The following RCAN2 variants were observed in gnomAD, a reference collection of about 807,000 sequenced individuals.
RCAN2 encodes the protein calcipressin-2.
In RCAN2, 9 loss-of-function variants were observed where a neutral mutation model predicts 23.6. The observed-to-expected ratio is 0.38, with a 90% CI of 0.23 to 0.67. The LOEUF (loss-of-function observed/expected upper bound fraction) is 0.67, where lower values mean the gene tolerates loss of function less well. Ranked by LOEUF, RCAN2 falls within the 30% of genes least tolerant of loss-of-function variation. RCAN2 has a pLI of 0.51. For missense variants in RCAN2, 273 were observed against 302.3 expected (o/e 0.90, Z 0.72); for synonymous variants, 109 against 115.7 (o/e 0.94, Z 0.37).
intron 2 of RCAN2, among the ~76,000 whole-genome samples, chr6:46,372,585 G>A (rs1765351510): frequency 6.6e-6 from 1 of 152,124 alleles, no homozygotes; most frequent in African/African-American, 2.4e-5. Context: ...CTTTTCCTAG[G>A]CAATATCTCT....
intron 2 of RCAN2, among the ~76,000 whole-genome samples, chr6:46,301,161 T>C (rs1762893692): frequency 6.6e-6 from 1 of 152,046 alleles, no homozygotes; most frequent in Non-Finnish European, 1.5e-5. Context: ...TTTATCAACA[T>C]GTAGTTAACA....
At chr6:46,353,523 G>A (rs2150379394) in intron 2 of RCAN2, among the ~76,000 whole-genome samples, 3 of 152,284 alleles carry the variant, frequency 2.0e-5, no homozygotes, top group Middle Eastern at 6.8e-3. Flanking sequence ...TCTACTCTTT[G>A]TGTAAGATGG....
chr6:46,359,300 AATT>A (rs1764928945), intron 2 of RCAN2, among the ~76,000 whole-genome samples: 1 of 152,234 alleles, frequency 6.6e-6, no homozygotes, highest in Admixed American at 6.5e-5. Context: ...ACAGGGCTGT[AATT>A]ATCAGCCCCA....
chr6:46,229,006 T>C (rs1222782614), intron 4 of RCAN2, among the ~76,000 whole-genome samples: 2 of 152,174 alleles, frequency 1.3e-5, no homozygotes, highest in Admixed American at 1.3e-4. Context: ...CTGTAAAGTA[T>C]TTTATTTCTC....
chr6:46,452,567 C>T (rs549972455), intron 2 of RCAN2, among the ~76,000 whole-genome samples: 1 of 152,120 alleles, frequency 6.6e-6, no homozygotes, highest in Non-Finnish European at 1.5e-5. Flanking sequence ...AAATTCTTGG[C>T]CTAGAAATCA....
intron 1 of RCAN2, among the ~76,000 whole-genome samples, chr6:46,458,124 G>A (rs1360333818): frequency 6.6e-6 from 1 of 152,180 alleles, no homozygotes; most frequent in Non-Finnish European, 1.5e-5. Context: ...TCATCTTCAG[G>A]AAGCTCCATG....
At chr6:46,366,496 G>C (rs1023990619) in intron 2 of RCAN2, among the ~76,000 whole-genome samples, 2 of 151,988 alleles carry the variant, frequency 1.3e-5, no homozygotes, top group Admixed American at 1.3e-4. Flanking sequence ...CTCTACTCAG[G>C]CTTCCCAAAA....
chr6:46,406,013 T>C (rs1310297734), intron 2 of RCAN2, among the ~76,000 whole-genome samples: 2 of 152,180 alleles, frequency 1.3e-5, no homozygotes, highest in African/African-American at 4.8e-5. Context: ...GCCCGGGTGC[T>C]AAGTCCCTCA....
At chr6:46,491,562 T>C (rs1769155179), upstream of RCAN2, among the ~76,000 whole-genome samples, 1 of 151,946 alleles carries the variant, frequency 6.6e-6, no homozygotes, top group African/African-American at 2.4e-5. Context: ...AAAGCCCCTG[T>C]CTGGCCTCTT....
Position 46,371,270 on chromosome 6 carries a change from C to A in RCAN2, c.225+85482G>T, listed in dbSNP as rs191168579. On this transcript the variant is annotated intron_variant, in intron 2 of 4. Coordinates refer to ENST00000371374, the MANE Select transcript of RCAN2 (RefSeq NM_001251974.2). Reference sequence around the variant, plus strand: ...GGGGTAGAGAGAGGCAGAATTCCCACTAAAAAATGGTATATTTTTTTAATC... The same window carrying A: ...GGGGTAGAGAGAGGCAGAATTCCCAATAAAAAATGGTATATTTTTTTAATC... Among the ~76,000 whole-genome samples, 285 of 152,222 alleles carry A rather than the reference C, an allele frequency of 1.9e-3. 2 individuals are homozygous for A. Among genetic ancestry groups the A allele is most frequent in the African/African-American group, 6.4e-3 (267 of 41,510 alleles).
At chr6:46,333,005 CTGGTGTGAGA>C (rs1460067567) in intron 2 of RCAN2, among the ~76,000 whole-genome samples, 1 of 152,218 alleles carries the variant, frequency 6.6e-6, no homozygotes, top group Non-Finnish European at 1.5e-5. Context: ...GCCATTCTAA[CTGGTGTGAGA>C]TGGTATCTCA....
intron 2 of RCAN2, among the ~76,000 whole-genome samples, chr6:46,436,354 A>G (rs937420984): frequency 3.3e-5 from 5 of 152,210 alleles, no homozygotes; most frequent in African/African-American, 1.2e-4. Context: ...CTGGGATTAC[A>G]GGCGCGTGCC....
At position 46,480,631 on chromosome 6, in the gene RCAN2, G is replaced by GTT. The variant is rs397713886; in HGVS notation, c.-3+10540_-3+10541dup. Among the ~76,000 whole-genome samples, 898 of 148,630 alleles carry GTT rather than the reference G, an allele frequency of 6.0e-3. 6 individuals carry two copies. The highest frequency in any genetic ancestry group is 0.016 in the African/African-American group (652 of 40,472). Reference sequence around the variant, plus strand: ...ACAAACTTATCATGTAGAGTTACTTGTTTTTTTTTTTGAGACGGAGTCTTC... The same window carrying GTT: ...ACAAACTTATCATGTAGAGTTACTTGTTTTTTTTTTTTTGAGACGGAGTCTTC... On this transcript the variant is annotated intron_variant, in intron 1 of 4. Transcript: ENST00000371374.
intron 2 of RCAN2, among the ~76,000 whole-genome samples, chr6:46,283,091 A>C: frequency 6.6e-6 from 1 of 152,194 alleles, no homozygotes; most frequent in Non-Finnish European, 1.5e-5. Context: ...AGGGAATCTC[A>C]GGAAAGGGGC....
At chr6:46,362,815 A>G (rs1326131482) in intron 2 of RCAN2, among the ~76,000 whole-genome samples, 1 of 152,182 alleles carries the variant, frequency 6.6e-6, no homozygotes. Flanking sequence ...AAATGTATCC[A>G]GGCATCCTAG....
intron 2 of RCAN2, among the ~76,000 whole-genome samples, chr6:46,380,061 A>T (rs949892110): frequency 2.0e-5 from 3 of 152,116 alleles, no homozygotes; most frequent in Non-Finnish European, 4.4e-5. Flanking sequence ...AAAGCAAAAA[A>T]CTTTTCCTGT....
At chr6:46,266,857 G>T (rs1767347575) in intron 2 of RCAN2, among the ~76,000 whole-genome samples, 1 of 152,036 alleles carries the variant, frequency 6.6e-6, no homozygotes, top group Non-Finnish European at 1.5e-5. Flanking sequence ...CATGCTCAAG[G>T]CCCCATCACC....
At chr6:46,329,531 A>G (rs543564912) in intron 2 of RCAN2, among the ~76,000 whole-genome samples, 10 of 152,296 alleles carry the variant, frequency 6.6e-5, no homozygotes, top group East Asian at 5.8e-4. Context: ...TAAACATCTG[A>G]AAGATGAATG....
At chr6:46,318,239 A>G (rs1273324634) in intron 2 of RCAN2, among the ~76,000 whole-genome samples, 1 of 152,216 alleles carries the variant, frequency 6.6e-6, no homozygotes, top group Non-Finnish European at 1.5e-5. Context: ...CTTACAATTA[A>G]ATAGCAAAGT....
Sources: gnomAD v4.1 joint callset for allele counts (sites outside exome capture counted in the v4.1 genomes callset) on GRCh38, gnomAD v4.1.1 for gene constraint, MANE v1.5 for transcripts, NCBI Gene and HGNC (gene_info 2026-07-23, HGNC 2026-07-21) for gene names.